STK39: variants seen among roughly 807,000 people sequenced by gnomAD.
STK39 encodes serine/threonine kinase 39, also known as STE20/SPS1-related proline-alanine-rich protein kinase.
In STK39, 20 loss-of-function variants were observed where a neutral mutation model predicts 77.8. The ratio of observed to expected loss-of-function variants is 0.26; its 90% CI spans 0.18 to 0.37. The LOEUF is 0.37. Ranked by LOEUF, STK39 falls within the 10% of genes least tolerant of loss-of-function variation. The pLI is 1.00. For synonymous variants in STK39, 246 were observed against 234.1 expected (o/e 1.05, Z -0.47); for missense variants, 479 against 656.5 (o/e 0.73, Z 2.95).
intron 1 of STK39, among the ~76,000 whole-genome samples, chr2:168,182,463 A>ACTT (rs1310318612): frequency 2.0e-5 from 3 of 152,152 alleles, no homozygotes; most frequent in African/African-American, 7.2e-5. Flanking sequence ...GGTCTAAGCT[A>ACTT]CTTCAAGGCT....
intron 1 of STK39, among the ~76,000 whole-genome samples, chr2:168,184,707 A>T (rs1461866530): frequency 1.3e-5 from 2 of 152,170 alleles, no homozygotes; most frequent in African/African-American, 4.8e-5. Context: ...TGGTCACAAA[A>T]TCAACTAACT....
At chr2:168,003,061 G>A (rs1340697080) in intron 16 of STK39, among the ~76,000 whole-genome samples, 2 of 152,166 alleles carry the variant, frequency 1.3e-5, no homozygotes, top group African/African-American at 4.8e-5. Flanking sequence ...TTGGCTCACT[G>A]CAACCTCCGC....
intron 10 of STK39, among the ~76,000 whole-genome samples, chr2:168,100,405 TCA>T (rs1686790590): frequency 6.6e-6 from 1 of 152,150 alleles, no homozygotes; most frequent in Admixed American, 6.5e-5. Flanking sequence ...TCTCTGAGCC[TCA>T]GTGTCTTCAT....
rs201907928 is a variant in STK39 at position 168,129,779 on chromosome 2, T to A, written c.975-21A>T. 10 of 1,612,488 alleles carry A rather than the reference T, an allele frequency of 6.2e-6. No homozygotes were observed. The African/African-American group carries it at 1.3e-4, about 22-fold the overall frequency. On this transcript the variant is annotated intron_variant, in intron 8 of 17. Transcript: ENST00000355999. ...TGGGCCTGAAAGATCAATAATAAAT[T>A]AGAGTTGAAACAATGACCACTTAAT...
intron 1 of STK39, among the ~76,000 whole-genome samples, chr2:168,202,015 C>T (rs1689623036): frequency 6.6e-6 from 1 of 152,218 alleles, no homozygotes; most frequent in African/African-American, 2.4e-5. Context: ...AAACAACGAG[C>T]CAGAGCTGGG....
intron 16 of STK39, among the ~76,000 whole-genome samples, chr2:168,004,819 A>G (rs892336673): frequency 1.3e-5 from 2 of 151,926 alleles, no homozygotes; most frequent in Non-Finnish European, 2.9e-5. Context: ...ATACCTGTTG[A>G]AAACACAAAT....
At chr2:167,974,557 T>C (rs955879007) in intron 16 of STK39, among the ~76,000 whole-genome samples, 1 of 152,356 alleles carries the variant, frequency 6.6e-6, no homozygotes, top group African/African-American at 2.4e-5. Context: ...ATGGGATTTC[T>C]AAAATTCTAA....
chr2:168,072,539 T>C (rs993429467), intron 12 of STK39, among the ~76,000 whole-genome samples: 1 of 152,230 alleles, frequency 6.6e-6, no homozygotes, highest in Admixed American at 6.5e-5. Flanking sequence ...GGCTATTATA[T>C]ATTGTTTACC....
chr2:167,977,178 G>A (rs1297830859), intron 16 of STK39, among the ~76,000 whole-genome samples: 1 of 152,128 alleles, frequency 6.6e-6, no homozygotes, highest in Non-Finnish European at 1.5e-5. Context: ...GGCTGATACT[G>A]GATCTGTCCT....
chr2:168,042,207 C>T (rs1417809326), intron 14 of STK39, among the ~76,000 whole-genome samples: 1 of 152,164 alleles, frequency 6.6e-6, no homozygotes, highest in East Asian at 1.9e-4. Flanking sequence ...ACTTCACCTA[C>T]TTTATGCTTT....
intron 1 of STK39, among the ~76,000 whole-genome samples, chr2:168,235,275 G>T (rs115265665): frequency 0.017 from 2,564 of 151,992 alleles, 84 homozygotes; most frequent in African/African-American, 0.059. Flanking sequence ...CCTGACCTTG[G>T]GATCTGCCTG....
intron 12 of STK39, among the ~76,000 whole-genome samples, chr2:168,068,002 G>A (rs1051068176): frequency 5.3e-5 from 8 of 152,148 alleles, no homozygotes; most frequent in South Asian, 4.1e-4. Flanking sequence ...CAGCTTACAC[G>A]GTAGCAGGCA....
At chr2:168,154,540 T>A (rs1285098811) in intron 5 of STK39, among the ~76,000 whole-genome samples, 1 of 152,246 alleles carries the variant, frequency 6.6e-6, no homozygotes, top group Non-Finnish European at 1.5e-5. Context: ...ACTTATAAGA[T>A]GTTATTGACC....
chr2:167,956,696 A>ACT (rs869141537), intron 17 of STK39, among the ~76,000 whole-genome samples: 1 of 49,014 alleles, frequency 2.0e-5, no homozygotes, highest in South Asian at 6.7e-4. Context: ...ACACACACAC[A>ACT]CTCTCTCTCT....
intron 10 of STK39, among the ~76,000 whole-genome samples, chr2:168,125,942 GCTTT>G (rs888417408): frequency 2.6e-4 from 40 of 152,226 alleles, no homozygotes; most frequent in African/African-American, 9.2e-4. Flanking sequence ...GCTCCATGGG[GCTTT>G]CTAAGAACAG....
intron 1 of STK39, among the ~76,000 whole-genome samples, chr2:168,238,519 C>T (rs749935905): frequency 5.9e-5 from 9 of 152,164 alleles, no homozygotes; most frequent in Non-Finnish European, 7.3e-5. Flanking sequence ...AAAATGTTTT[C>T]CCATATATCA....
intron 1 of STK39, among the ~76,000 whole-genome samples, chr2:168,228,278 G>A (rs777512194): frequency 1.1e-4 from 17 of 151,988 alleles, no homozygotes; most frequent in Admixed American, 3.9e-4. Context: ...CAAATTAAAT[G>A]TGAAAGTACT....
chr2:168,201,281 C>T (rs754262686), intron 1 of STK39, among the ~76,000 whole-genome samples: 5 of 152,198 alleles, frequency 3.3e-5, no homozygotes, highest in Non-Finnish European at 5.9e-5. Flanking sequence ...GAGGCCAAAC[C>T]ATAGCTGGCA....
chr2:168,169,221 G>C (rs1688762536), intron 2 of STK39, among the ~76,000 whole-genome samples: 1 of 152,016 alleles, frequency 6.6e-6, no homozygotes, highest in South Asian at 2.1e-4. Context: ...CCGGTATTAG[G>C]TTCTGATGCC....
Sources: gnomAD v4.1 joint callset for allele counts (sites outside exome capture counted in the v4.1 genomes callset) on GRCh38, gnomAD v4.1.1 for gene constraint, MANE v1.5 for transcripts, NCBI Gene and HGNC (gene_info 2026-07-23, HGNC 2026-07-21) for gene names.